THSD7A: variants seen among roughly 807,000 people sequenced by gnomAD.
THSD7A encodes the protein thrombospondin type-1 domain-containing protein 7A.
A neutral mutation model predicts 231.3 loss-of-function variants in THSD7A; 96 were observed. The ratio of observed to expected loss-of-function variants is 0.41; its 90% CI spans 0.35 to 0.49. The LOEUF is 0.49. THSD7A is among the 20% of genes least tolerant of loss of function. THSD7A has a pLI of 0.05. For synonymous variants in THSD7A, 940 were observed against 743.3 expected (o/e 1.26, Z -4.30); for missense variants, 2,290 against 2,070.2 (o/e 1.11, Z -2.06).
intron 11 of THSD7A, among the ~76,000 whole-genome samples, chr7:11,455,825 T>G (rs980200240): frequency 6.6e-6 from 1 of 152,022 alleles, no homozygotes; most frequent in Admixed American, 6.6e-5. Flanking sequence ...AGTAAACAGT[T>G]TACAATTTTT....
At chr7:11,484,098 C>A (rs1786546457) in intron 6 of THSD7A, among the ~76,000 whole-genome samples, 1 of 151,258 alleles carries the variant, frequency 6.6e-6, no homozygotes, top group East Asian at 2.0e-4. Context: ...GGTGTACTTT[C>A]CTGTAGGATC....
intron 1 of THSD7A, among the ~76,000 whole-genome samples, chr7:11,650,296 G>T (rs1452642668): frequency 2.6e-5 from 4 of 151,934 alleles, no homozygotes; most frequent in African/African-American, 9.7e-5. Context: ...TGTGGACAAC[G>T]TCTCCTGCAT....
At chr7:11,565,368 C>CA (rs1199620816) in intron 4 of THSD7A, among the ~76,000 whole-genome samples, 14 of 152,108 alleles carry the variant, frequency 9.2e-5, no homozygotes, top group Non-Finnish European at 1.6e-4. Context: ...TTATTTATCA[C>CA]AAAAAAATCC....
chr7:11,441,876 A>G (rs952372279), intron 13 of THSD7A, among the ~76,000 whole-genome samples: 1 of 151,944 alleles, frequency 6.6e-6, no homozygotes, highest in African/African-American at 2.4e-5. Flanking sequence ...AGAAATACCT[A>G]ATGTAGACAA....
chr7:11,505,221 A>G (rs1361043390), intron 6 of THSD7A, among the ~76,000 whole-genome samples: 1 of 152,212 alleles, frequency 6.6e-6, no homozygotes, highest in Non-Finnish European at 1.5e-5. Context: ...ATTCTTTGAT[A>G]AAAGAAAATA....
At chr7:11,541,295 G>A (rs1789135206) in intron 6 of THSD7A, 124 bp downstream of exon 6, 2 of 908,368 alleles carry the variant, frequency 2.2e-6, no homozygotes, top group African/African-American at 3.4e-5. Flanking sequence ...GAGAGAAGCA[G>A]CTATTTCTAC....
At chr7:11,789,398 G>C (rs1202491402) in intron 1 of THSD7A, among the ~76,000 whole-genome samples, 2 of 152,056 alleles carry the variant, frequency 1.3e-5, no homozygotes, top group Non-Finnish European at 2.9e-5. Flanking sequence ...CAGAGGGCAA[G>C]AATGGAAGAA....
At chr7:11,658,019 T>G (rs755277298) in intron 1 of THSD7A, among the ~76,000 whole-genome samples, 1 of 151,672 alleles carries the variant, frequency 6.6e-6, no homozygotes, top group Non-Finnish European at 1.5e-5. Context: ...AGTCAAGTAC[T>G]AGATGGTATG....
At chr7:11,745,456 C>G (rs771525548) in intron 1 of THSD7A, among the ~76,000 whole-genome samples, 1 of 151,988 alleles carries the variant, frequency 6.6e-6, no homozygotes, top group African/African-American at 2.4e-5. Flanking sequence ...TATTTATATC[C>G]CATTTGTCAA....
intron 1 of THSD7A, among the ~76,000 whole-genome samples, chr7:11,795,527 A>G (rs6460843): frequency 0.21 from 32,281 of 151,850 alleles, 3,779 homozygotes; most frequent in South Asian, 0.32. Flanking sequence ...AATCTAGTAC[A>G]ATTTGTAGGT....
chr7:11,605,639 A>G (rs1490192290), intron 2 of THSD7A, among the ~76,000 whole-genome samples: 1 of 152,184 alleles, frequency 6.6e-6, no homozygotes, highest in East Asian at 1.9e-4. Flanking sequence ...ATCTTCATCA[A>G]TGTAGCCCTA....
chr7:11,380,712 T>C (rs537978607), intron 24 of THSD7A, among the ~76,000 whole-genome samples: 1 of 152,286 alleles, frequency 6.6e-6, no homozygotes, highest in Non-Finnish European at 1.5e-5. Flanking sequence ...TCAAGATAGG[T>C]AATATACTTT....
chr7:11,593,533 G>A (rs1471202160), intron 2 of THSD7A, 31 bp from the exon 3 acceptor site: 2 of 1,606,706 alleles, frequency 1.2e-6, no homozygotes, highest in Non-Finnish European at 1.7e-6. Flanking sequence ...TCTCATTACA[G>A]ACTCACAGGC....
At chr7:11,748,788 G>C (rs188369774) in intron 1 of THSD7A, among the ~76,000 whole-genome samples, 52 of 152,002 alleles carry the variant, frequency 3.4e-4, no homozygotes, top group Non-Finnish European at 6.6e-4. Context: ...TAGGGCAATA[G>C]TGATATACGA....
At chr7:11,493,152 A>G (rs993860344) in intron 6 of THSD7A, among the ~76,000 whole-genome samples, 1 of 152,158 alleles carries the variant, frequency 6.6e-6, no homozygotes, top group African/African-American at 2.4e-5. Flanking sequence ...AGAAAGCATC[A>G]TTAGCTTGTT....
intron 4 of THSD7A, among the ~76,000 whole-genome samples, chr7:11,584,826 A>G (rs1028552425): frequency 2.6e-5 from 4 of 152,332 alleles, no homozygotes; most frequent in South Asian, 2.1e-4. Context: ...TGTGTCCTCT[A>G]TTCAAATTCA....
At chr7:11,709,928 T>A (rs1333386671) in intron 1 of THSD7A, among the ~76,000 whole-genome samples, 2 of 150,774 alleles carry the variant, frequency 1.3e-5, no homozygotes, top group Admixed American at 1.3e-4. Context: ...GCACACAACT[T>A]CATGTATGCA....
At chr7:11,738,293 A>G (rs1014622757) in intron 1 of THSD7A, among the ~76,000 whole-genome samples, 1 of 152,014 alleles carries the variant, frequency 6.6e-6, no homozygotes, top group East Asian at 1.9e-4. Context: ...TTGGTGCTCA[A>G]TAAGTTTTGT....
intron 23 of THSD7A, among the ~76,000 whole-genome samples, chr7:11,388,657 A>AT (rs1326367163): frequency 3.3e-5 from 5 of 152,000 alleles, no homozygotes; most frequent in Non-Finnish European, 7.4e-5. Flanking sequence ...GGATTCATTG[A>AT]TTTTTTAGAA....
Sources: gnomAD v4.1 joint callset for allele counts (sites outside exome capture counted in the v4.1 genomes callset) on GRCh38, gnomAD v4.1.1 for gene constraint, MANE v1.5 for transcripts, NCBI Gene and HGNC (gene_info 2026-07-23, HGNC 2026-07-21) for gene names.